CFAP210: variants seen among roughly 807,000 people sequenced by gnomAD.
The protein encoded by CFAP210 is cilia and flagella associated protein 210.
chr2:169,665,572 G>A, the CFAP210 span, among the ~76,000 whole-genome samples: 1 of 152,138 alleles, frequency 6.6e-6, no homozygotes, highest in African/African-American at 2.4e-5. Flanking sequence ...GACAATTGTA[G>A]ATAAAGAAAG....
the CFAP210 span, among the ~76,000 whole-genome samples, chr2:169,656,585 A>G: frequency 6.6e-6 from 1 of 152,142 alleles, no homozygotes; most frequent in Non-Finnish European, 1.5e-5. Flanking sequence ...CTTGCTATCC[A>G]GAATGTGGAG....
At chr2:169,677,378 C>G in the CFAP210 span, among the ~76,000 whole-genome samples, 1 of 152,176 alleles carries the variant, frequency 6.6e-6, no homozygotes, top group South Asian at 2.1e-4. Context: ...GGGGTTTTAT[C>G]TTAGGAATGC....
At chr2:169,657,271 G>A in the CFAP210 span, among the ~76,000 whole-genome samples, 4 of 152,052 alleles carry the variant, frequency 2.6e-5, no homozygotes, top group East Asian at 5.8e-4. Context: ...AAGTTCTCAG[G>A]ATGAAAGAAA....
chr2:169,654,184 C>A, the CFAP210 span: 1 of 1,591,946 alleles, frequency 6.3e-7, no homozygotes, highest in Admixed American at 1.8e-5. Context: ...TGTTCTACAG[C>A]TTTGATAATA....
chr2:169,651,879 T>C, the CFAP210 span, among the ~76,000 whole-genome samples: 1 of 151,338 alleles, frequency 6.6e-6, no homozygotes. Flanking sequence ...AGGTTCCTTT[T>C]TTTTTTTTTT....
chr2:169,687,025 A>C, the CFAP210 span, among the ~76,000 whole-genome samples: 2 of 152,180 alleles, frequency 1.3e-5, no homozygotes, highest in African/African-American at 4.8e-5. Flanking sequence ...AACGAGGAAG[A>C]AGCAAAAGCG....
At chr2:169,645,546 A>G in the CFAP210 span, 1 of 271,882 alleles carries the variant, frequency 3.7e-6, no homozygotes, top group East Asian at 8.0e-5. Flanking sequence ...GTTTCTAGTA[A>G]GAGCACTGAA....
the CFAP210 span, chr2:169,649,474 G>A: frequency 1.3e-6 from 1 of 769,202 alleles, no homozygotes; most frequent in Admixed American, 2.8e-5. Context: ...GCAGAAAAGT[G>A]CATGCACCTG....
the CFAP210 span, chr2:169,694,111 A>C: frequency 1.3e-6 from 1 of 759,760 alleles, no homozygotes; most frequent in East Asian, 2.7e-5. Flanking sequence ...AACTTCACAC[A>C]GAGCCCAAAG....
the CFAP210 span, among the ~76,000 whole-genome samples, chr2:169,657,934 TATC>T: frequency 2.6e-5 from 4 of 152,216 alleles, no homozygotes; most frequent in East Asian, 7.7e-4. Context: ...CTTTTCATAC[TATC>T]ATACTTGTCC....
At chr2:169,676,796 GA>G in the CFAP210 span, among the ~76,000 whole-genome samples, 4 of 149,532 alleles carry the variant, frequency 2.7e-5, no homozygotes, top group South Asian at 2.1e-4. Flanking sequence ...ATGTTAAAAA[GA>G]AAAAAAAACA....
the CFAP210 span, among the ~76,000 whole-genome samples, chr2:169,689,541 T>C: frequency 6.6e-6 from 1 of 152,238 alleles, no homozygotes; most frequent in South Asian, 2.1e-4. Flanking sequence ...TAATATAGAA[T>C]ATCATGTCAT....
the CFAP210 span, among the ~76,000 whole-genome samples, chr2:169,652,588 G>T: frequency 2.0e-5 from 3 of 151,938 alleles, no homozygotes; most frequent in Non-Finnish European, 4.4e-5. Context: ...CCTCCACCCT[G>T]GGCAACATAG....
the CFAP210 span, among the ~76,000 whole-genome samples, chr2:169,652,582 C>T: frequency 6.6e-6 from 1 of 152,040 alleles, no homozygotes; most frequent in Non-Finnish European, 1.5e-5. Flanking sequence ...CATTGTCCTC[C>T]ACCCTGGGCA....
the CFAP210 span, among the ~76,000 whole-genome samples, chr2:169,679,554 G>A: frequency 2.6e-5 from 4 of 151,936 alleles, no homozygotes; most frequent in African/African-American, 9.7e-5. Flanking sequence ...GGTTGCAGAT[G>A]CCTGTAGTCC....
chr2:169,675,147 G>T, the CFAP210 span: 4 of 848,372 alleles, frequency 4.7e-6, no homozygotes, highest in Non-Finnish European at 4.9e-6. Flanking sequence ...TATTGTATTT[G>T]TAATATTTTA....
chr2:169,649,579 G>A, the CFAP210 span, among the ~76,000 whole-genome samples: 5 of 152,134 alleles, frequency 3.3e-5, no homozygotes, highest in Non-Finnish European at 5.9e-5. Flanking sequence ...TTATTGGCTT[G>A]AAAAAGATGA....
chr2:169,680,861 T>C, the CFAP210 span: 1 of 648,488 alleles, frequency 1.5e-6, no homozygotes, highest in Non-Finnish European at 2.6e-6. Context: ...ATATCACTTA[T>C]ACCTAAATAA....
chr2:169,676,858 C>G, the CFAP210 span, among the ~76,000 whole-genome samples: 1 of 152,088 alleles, frequency 6.6e-6, no homozygotes, highest in Non-Finnish European at 1.5e-5. Flanking sequence ...TTTAATAATT[C>G]TACCATAAAA....
Sources: gnomAD v4.1 joint callset for allele counts (sites outside exome capture counted in the v4.1 genomes callset) on GRCh38, gnomAD v4.1.1 for gene constraint, MANE v1.5 for transcripts, NCBI Gene and HGNC (gene_info 2026-07-23, HGNC 2026-07-21) for gene names.